The following ALPK2 variants were observed in gnomAD, a reference collection of about 807,000 sequenced individuals.
ALPK2 encodes alpha-protein kinase 2.
In ALPK2, 127 loss-of-function variants were observed where a neutral mutation model predicts 163.1. That is an observed-to-expected ratio of 0.78 (90% CI 0.67 to 0.90). ALPK2 has a LOEUF of 0.90. Ranked by LOEUF, ALPK2 falls within the 40% of genes least tolerant of loss-of-function variation. The pLI, the probability that ALPK2 is intolerant of heterozygous loss-of-function variation, is 0.00. For missense variants in ALPK2, 2,360 were observed against 2,589.6 expected, an observed-to-expected ratio of 0.91 and a Z score of 1.92; for synonymous variants, 953 against 959.1, an observed-to-expected ratio of 0.99 and a Z score of 0.12.
At chr18:58,489,687 A>G (rs927881708) in intron 12 of ALPK2, among the ~76,000 whole-genome samples, 27 of 152,110 alleles carry the variant, frequency 1.8e-4, no homozygotes, top group African/African-American at 3.4e-4. Context: ...GCCCTATCTC[A>G]AAACAGTCAT....
rs140616502 is a variant in ALPK2, at chr18:58,485,742, A to G, written c.6297-3703T>C. Among the ~76,000 whole-genome samples, 776 of 152,272 alleles carry G rather than the reference A, an allele frequency of 5.1e-3. 5 individuals carry two copies. The highest frequency in any genetic ancestry group is 0.018 in the African/African-American group (731 of 41,558). Reference sequence around the variant, plus strand: ...GAGCGCTCTCTCCCTGGTGAGACGCAGGGCCTGCTCCGTCAGGATGGATGG... The same window carrying G: ...GAGCGCTCTCTCCCTGGTGAGACGCGGGGCCTGCTCCGTCAGGATGGATGG... On this transcript the variant is annotated intron_variant, in intron 12 of 12. Coordinates refer to ENST00000361673, the MANE Select transcript of ALPK2 (RefSeq NM_052947.4).
chr18:58,521,086 T>G (rs555890241), intron 8 of ALPK2, among the ~76,000 whole-genome samples: 3 of 152,308 alleles, frequency 2.0e-5, no homozygotes, highest in Admixed American at 2.0e-4. Flanking sequence ...GGCCAGGAGT[T>G]ACTTCCCCAG....
At chr18:58,589,276 C>A (rs140581471) in intron 3 of ALPK2, among the ~76,000 whole-genome samples, 2 of 152,302 alleles carry the variant, frequency 1.3e-5, no homozygotes, top group African/African-American at 4.8e-5. Flanking sequence ...GGCTCCATTT[C>A]CAGAGATTCT....
intron 2 of ALPK2, among the ~76,000 whole-genome samples, chr18:58,610,034 C>G (rs1327013140): frequency 6.6e-6 from 1 of 152,092 alleles, no homozygotes; most frequent in Non-Finnish European, 1.5e-5. Context: ...GTTTCTGAGG[C>G]TCACCCCTCT....
In ALPK2 at chr18:58,573,167, G is replaced by A. The variant is rs917349577; in HGVS notation, c.1962+5647C>T. On this transcript the variant is annotated intron_variant, in intron 4 of 12. Transcript: ENST00000361673. ...GTTTAATTTTAAATTGAGCATTAAGGGAATGCAGCATTATATATGTATATG... is the reference window on the plus strand; with the variant it reads ...GTTTAATTTTAAATTGAGCATTAAGAGAATGCAGCATTATATATGTATATG... 2.0e-5 allele frequency among the ~76,000 whole-genome samples: 3 copies of A among 149,826 alleles called. No homozygotes were observed. The Admixed American group carries it at 2.0e-4, about 10-fold the overall frequency.
intron 10 of ALPK2, 53 bp downstream of exon 10, chr18:58,514,940 C>T: frequency 7.0e-7 from 1 of 1,438,630 alleles, no homozygotes. Context: ...TCTCGTCCCT[C>T]CTAGTCCCCA....
At chr18:58,524,186 C>A in intron 6 of ALPK2, 124 bp from the exon 7 acceptor site, 1 of 1,319,834 alleles carries the variant, frequency 7.6e-7, no homozygotes, top group Non-Finnish European at 1.0e-6. Context: ...GTGAGCTGCC[C>A]AAAGGGCAAA....
chr18:58,536,990 A>T lies in ALPK2; in HGVS notation c.3197T>A (p.Ile1066Asn). Reference protein sequence around the residue: ...QLDHILSGATIKSTKELLCRA... With the variant: ...QLDHILSGATNKSTKELLCRA... ...GCAAAGTAGCTCTTTTGTAGATTTG[A>T]TGGTAGCACCACTTAAAATATGATC... The change falls in exon 5 of 13, where the codon ATC (isoleucine) becomes AAC (asparagine). Residue 1066 changes from isoleucine to asparagine, a missense_variant. Transcript: ENST00000361673. 1 of 1,614,154 alleles carries T rather than the reference A, an allele frequency of 6.2e-7. No homozygotes were observed. Among genetic ancestry groups the T allele is most frequent in the Non-Finnish European group, 8.5e-7 (1 of 1,180,014 alleles).
intron 4 of ALPK2, among the ~76,000 whole-genome samples, chr18:58,542,814 G>C (rs1048695025): frequency 3.9e-5 from 6 of 152,188 alleles, no homozygotes; most frequent in Non-Finnish European, 8.8e-5. Flanking sequence ...AGTGGCGTGG[G>C]TGTGCAGGGG....
Position 58,579,316 on chromosome 18 carries a change from A to C in ALPK2, c.1460T>G (p.Met487Arg), listed in dbSNP as rs570842871. ...EEFASDNLLN[M>R]DESVRETEMK... ...CTCTGTCTCTCTTACTGATTCATCC[A>C]TGTTGAGCAGATTGTCACTGGCAAA... The change falls in exon 4 of 13, where the codon ATG becomes AGG. Residue 487 changes from methionine to arginine, a missense_variant. Met to Arg is a moderately conservative substitution (Grantham distance 91, BLOSUM62 -1). Transcript: ENST00000361673. The C allele has an allele frequency of 8.6e-4, 1,390 of 1,614,138 alleles. 18 individuals carry two copies. The South Asian group carries it at 0.015, about 17-fold the overall frequency.
chr18:58,555,434 A>G (rs1211261636), intron 4 of ALPK2, among the ~76,000 whole-genome samples: 1 of 152,252 alleles, frequency 6.6e-6, no homozygotes, highest in Non-Finnish European at 1.5e-5. Flanking sequence ...TTGTCAATGT[A>G]TAATATCACA....
At chr18:58,497,989 C>T in intron 12 of ALPK2, 60 bp downstream of exon 12, 2 of 1,499,648 alleles carry the variant, frequency 1.3e-6, no homozygotes, top group East Asian at 2.3e-5. Flanking sequence ...ACAGTGTCTG[C>T]CTGGAAGGTG....
chr18:58,523,427 C>T lies in ALPK2; in HGVS notation c.5665+379G>A, dbSNP rs180833423. ...TGATCTATAGTCCTTTGGGTATATA[C>T]CCAGTAATGGGATGGCTGGGTCAAA... On this transcript the variant is annotated intron_variant, in intron 8 of 12. Transcript: ENST00000361673. Among the ~76,000 whole-genome samples, 911 of 152,230 alleles carry T rather than the reference C, an allele frequency of 6.0e-3. 3 individuals carry two copies. Among genetic ancestry groups the T allele is most frequent in the Non-Finnish European group, 1.0e-2 (679 of 68,000 alleles).
intron 10 of ALPK2, among the ~76,000 whole-genome samples, chr18:58,509,989 GTT>G (rs2051481737): frequency 6.6e-6 from 1 of 152,164 alleles, no homozygotes; most frequent in Admixed American, 6.5e-5. Flanking sequence ...TATTGCTGAG[GTT>G]TTCTTCTAGG....
At chr18:58,595,176 C>G (rs958522881) in intron 3 of ALPK2, among the ~76,000 whole-genome samples, 1 of 152,174 alleles carries the variant, frequency 6.6e-6, no homozygotes, top group Non-Finnish European at 1.5e-5. Flanking sequence ...GCTCAGAGCC[C>G]CTCACCAGAG....
intron 4 of ALPK2, among the ~76,000 whole-genome samples, chr18:58,573,727 CA>C (rs1308731133): frequency 1.4e-5 from 2 of 140,946 alleles, no homozygotes; most frequent in African/African-American, 2.6e-5. Context: ...AGCAGATAAA[CA>C]TTTTTGTCTT....
At chr18:58,496,743 A>C (rs139566966) in intron 12 of ALPK2, among the ~76,000 whole-genome samples, 92 of 152,290 alleles carry the variant, frequency 6.0e-4, no homozygotes, top group African/African-American at 2.2e-3. Context: ...ATGCTTTGAC[A>C]TCTTGTGCCT....
At chr18:58,550,425 A>AAAACCCCATCCC (rs1305489307) in intron 4 of ALPK2, among the ~76,000 whole-genome samples, 1 of 123,904 alleles carries the variant, frequency 8.1e-6, no homozygotes, top group Admixed American at 8.2e-5. Flanking sequence ...TCCATCATAT[A>AAAACCCCATCCC]TGACTCTACC....
At chr18:58,483,253 A>T (rs560176506) in intron 12 of ALPK2, among the ~76,000 whole-genome samples, 23 of 152,322 alleles carry the variant, frequency 1.5e-4, no homozygotes, top group African/African-American at 5.5e-4. Flanking sequence ...ACATTCACTC[A>T]GCCCCTCCCC....
Sources: gnomAD v4.1 joint callset for allele counts (sites outside exome capture counted in the v4.1 genomes callset) on GRCh38, gnomAD v4.1.1 for gene constraint, MANE v1.5 for transcripts, NCBI Gene and HGNC (gene_info 2026-07-23, HGNC 2026-07-21) for gene names.